The following CCDC171 variants were observed in gnomAD, a reference collection of about 807,000 sequenced individuals.
CCDC171 encodes coiled-coil domain containing 171.
A neutral mutation model predicts 168.2 loss-of-function variants in CCDC171; 177 were observed. That is an observed-to-expected ratio of 1.05 (90% CI 0.93 to 1.19). CCDC171 has a LOEUF of 1.19. Ranked by LOEUF, CCDC171 falls within the 50% of genes most tolerant of loss-of-function variation. CCDC171 has a pLI of 0.00. For synonymous variants in CCDC171, 687 were observed against 540.8 expected (o/e 1.27, Z -3.75); for missense variants, 1,991 against 1,539.0 (o/e 1.29, Z -4.91).
intron 18 of CCDC171, among the ~76,000 whole-genome samples, chr9:15,746,998 A>T (rs1430669826): frequency 6.6e-6 from 1 of 152,210 alleles, no homozygotes; most frequent in African/African-American, 2.4e-5. Flanking sequence ...CAGCAAGCTA[A>T]AATCCATTGG....
At chr9:15,850,041 A>T (rs902083654) in intron 23 of CCDC171, among the ~76,000 whole-genome samples, 1 of 151,984 alleles carries the variant, frequency 6.6e-6, no homozygotes, top group Non-Finnish European at 1.5e-5. Context: ...TAGTCAGTAT[A>T]GTTTAAATAT....
At chr9:15,809,747 G>A (rs887402028) in intron 21 of CCDC171, among the ~76,000 whole-genome samples, 8 of 152,200 alleles carry the variant, frequency 5.3e-5, no homozygotes, top group Non-Finnish European at 1.2e-4. Flanking sequence ...CAAAGAGTGA[G>A]CAACAGCAAG....
intron 21 of CCDC171, among the ~76,000 whole-genome samples, chr9:15,809,643 A>C (rs867423302): frequency 6.6e-6 from 1 of 151,578 alleles, no homozygotes; most frequent in Non-Finnish European, 1.5e-5. Context: ...GGAGTTGTTC[A>C]TTCCTCCTGG....
chr9:15,623,502 C>CACACACACAG lies in CCDC171; in HGVS notation c.822+94_822+95insCACAGACACA, dbSNP rs1006558906. 2.7e-5 allele frequency: 19 copies of CACACACACAG among 693,528 alleles called. No homozygotes were observed. The African/African-American group carries it at 3.5e-4, about 13-fold the overall frequency. The allele number at this position is 693,528 out of a possible 1,614,324, so 43.0% of individuals were successfully genotyped here. A position where few individuals can be genotyped will look rare whatever the true frequency, so the allele number is the denominator to read the frequency against. ...ACACACACACACACACACACACACACACACATAAAACCCATTCCGTGATTT... is the reference window on the plus strand; with the variant it reads ...ACACACACACACACACACACACACACACACACACAGACACATAAAACCCATTCCGTGATTT... On this transcript the variant is annotated intron_variant, in intron 7 of 25. Transcript: ENST00000380701.
Position 15,695,275 on chromosome 9 carries a change from A to G in CCDC171, c.1256A>G (p.Asn419Ser). 6.2e-7 allele frequency: 1 copy of G among 1,614,164 alleles called. No homozygotes were observed. Among genetic ancestry groups the G allele is most frequent in the East Asian group, 2.2e-5 (1 of 44,884 alleles). ...GCCTTCCTAGTAGAGACATGTGAAA[A>G]TAACGTGAAAGAATTGGAATCGATC... The part of the protein sequence containing the change: ...HQAFLVETCE[N>S]NVKELESILD... Residue 419 changes from asparagine (N) to serine (S), a missense_variant, in exon 11 of 26, where the codon AAT becomes AGT. Asn to Ser is a conservative substitution (Grantham distance 46). Coordinates refer to ENST00000380701, the MANE Select transcript of CCDC171 (RefSeq NM_173550.4).
intron 25 of CCDC171, among the ~76,000 whole-genome samples, chr9:15,962,157 A>AT (rs1830406888): frequency 6.6e-6 from 1 of 152,154 alleles, no homozygotes; most frequent in South Asian, 2.1e-4. Context: ...GTGCTACAAC[A>AT]CAGGGGCTAA....
chr9:15,730,688 G>T (rs1180877575), intron 16 of CCDC171, among the ~76,000 whole-genome samples: 1 of 151,452 alleles, frequency 6.6e-6, no homozygotes, highest in Non-Finnish European at 1.5e-5. Flanking sequence ...ATTAAATCAG[G>T]TCATTCTGTA....
intron 16 of CCDC171, among the ~76,000 whole-genome samples, chr9:15,733,634 G>A (rs1041766118): frequency 1.3e-5 from 2 of 150,346 alleles, no homozygotes; most frequent in Admixed American, 1.3e-4. Context: ...TTATTTATGT[G>A]TCTAATTCTT....
At chr9:15,556,970 T>C (rs2132411510) in intron 1 of CCDC171, among the ~76,000 whole-genome samples, 1 of 152,342 alleles carries the variant, frequency 6.6e-6, no homozygotes, top group Non-Finnish European at 1.5e-5. Flanking sequence ...GCTAGCCAGT[T>C]TTCCCAACAC....
intron 21 of CCDC171, among the ~76,000 whole-genome samples, chr9:15,788,588 G>GT (rs753248504): frequency 0.011 from 1,480 of 140,268 alleles, 10 homozygotes; most frequent in Non-Finnish European, 0.016. Context: ...ATATGTTTTT[G>GT]TTTTTTTTTT....
intron 24 of CCDC171, among the ~76,000 whole-genome samples, chr9:15,910,352 A>G (rs940033787): frequency 6.6e-6 from 1 of 151,962 alleles, no homozygotes; most frequent in Admixed American, 6.6e-5. Flanking sequence ...ATTTTTATTG[A>G]CTTTGTCAAA....
intron 6 of CCDC171, among the ~76,000 whole-genome samples, chr9:15,602,632 CTTTTTTTTTTTTTTCTTTTTTTTT>C (rs1223972235): frequency 4.2e-4 from 13 of 30,998 alleles, no homozygotes; most frequent in Non-Finnish European, 4.1e-4. Flanking sequence ...TTTCTCATTT[CTTTTTTTTTTTTTTCTTTTTTTTT>C]TTTTTTTTTT....
chr9:15,591,837 G>A (rs1238416546), intron 5 of CCDC171, among the ~76,000 whole-genome samples: 2 of 152,058 alleles, frequency 1.3e-5, no homozygotes, highest in Admixed American at 1.3e-4. Context: ...AGAATCTACA[G>A]CTCTTTTTGT....
At chr9:15,615,692 AT>A (rs2044028937) in intron 6 of CCDC171, among the ~76,000 whole-genome samples, 1 of 151,952 alleles carries the variant, frequency 6.6e-6, no homozygotes, top group Non-Finnish European at 1.5e-5. Flanking sequence ...AATAGTGGGC[AT>A]ACTCTTTGTT....
chr9:16,070,914 T>C, the CCDC171 span, among the ~76,000 whole-genome samples: 2 of 152,196 alleles, frequency 1.3e-5, no homozygotes, highest in Non-Finnish European at 2.9e-5. Context: ...GATGGGGGAT[T>C]TTTGGCTTGT....
chr9:15,764,198 A>G (rs10733302), intron 18 of CCDC171, among the ~76,000 whole-genome samples: 57,723 of 152,186 alleles, frequency 0.38, 13,622 homozygotes, highest in East Asian at 0.65. Flanking sequence ...CACCCACATT[A>G]TGCAAATCCT....
rs998723668 is a variant in CCDC171 at position 15,638,218 on chromosome 9, A to C, written c.822+14805A>C. ...ACAAGTGGAGAGCTTTAGTCTTCTA[A>C]GTTACCTATGATTTCTCATATTTAG... On this transcript the variant is annotated intron_variant, in intron 7 of 25. Coordinates refer to ENST00000380701, the MANE Select transcript of CCDC171 (RefSeq NM_173550.4). 1.2e-4 allele frequency among the ~76,000 whole-genome samples: 19 copies of C among 152,142 alleles called. 1 individual carries two copies. The highest frequency in any genetic ancestry group is 4.6e-4 in the African/African-American group (19 of 41,446).
chr9:15,706,531 T>A (rs962001443), intron 11 of CCDC171, among the ~76,000 whole-genome samples: 2 of 152,200 alleles, frequency 1.3e-5, no homozygotes, highest in Non-Finnish European at 1.5e-5. Flanking sequence ...TAAGCAATCC[T>A]CCCACCCCAG....
chr9:15,816,735 A>G (rs2059574218), intron 21 of CCDC171, among the ~76,000 whole-genome samples: 1 of 117,392 alleles, frequency 8.5e-6, no homozygotes, highest in Non-Finnish European at 1.9e-5. Flanking sequence ...AAACAAGGAC[A>G]ATCCTGAGCC....
Sources: allele counts gnomAD v4.1 joint callset (sites outside exome capture counted in the v4.1 genomes callset), GRCh38; gene constraint gnomAD v4.1.1; transcripts MANE v1.5; gene names NCBI Gene and HGNC (gene_info 2026-07-23, HGNC 2026-07-21).